CPN1: variants seen among roughly 807,000 people sequenced by gnomAD.
CPN1 encodes the protein carboxypeptidase N subunit 1.
CPN1 carries 37 observed loss-of-function variants against 46.4 expected under a neutral mutation model. That is an observed-to-expected ratio of 0.80 (90% CI 0.61 to 1.05). The LOEUF (loss-of-function observed/expected upper bound fraction) is 1.05, where lower values mean the gene tolerates loss of function less well. Among genes scored for constraint, CPN1 ranks in the 50% least tolerant of loss-of-function variants. CPN1 has a pLI of 0.00. For missense variants in CPN1, 563 were observed against 602.6 expected, an observed-to-expected ratio of 0.93 and a Z score of 0.69; for synonymous variants, 224 against 235.4, an observed-to-expected ratio of 0.95 and a Z score of 0.44.
At chr10:100,071,325 T>C (rs1464029057) in intron 2 of CPN1, among the ~76,000 whole-genome samples, 1 of 152,202 alleles carries the variant, frequency 6.6e-6, no homozygotes, top group African/African-American at 2.4e-5. Flanking sequence ...GAAGTTGTAA[T>C]CAAGTCAACT....
chr10:100,054,205 C>T, intron 7 of CPN1, 142 bp downstream of exon 7: 1 of 703,304 alleles, frequency 1.4e-6, no homozygotes, highest in Admixed American at 2.1e-5. Context: ...TTTTCATTGC[C>T]CTTCTTTCCT....
At chr10:100,062,766 CTT>C (rs34889268) in intron 5 of CPN1, among the ~76,000 whole-genome samples, 56 of 140,814 alleles carry the variant, frequency 4.0e-4, no homozygotes, top group Non-Finnish European at 4.8e-4. Flanking sequence ...CCTAATTTTT[CTT>C]TTTTTTTTTT....
rs34254553 is a variant in CPN1 at position 100,044,665 on chromosome 10, C to T, written c.1231-2092G>A. Among the ~76,000 whole-genome samples the T allele has an allele frequency of 2.1e-3, 318 of 151,650 alleles. 1 individual carries two copies. Among genetic ancestry groups the T allele is most frequent in the Non-Finnish European group, 2.4e-3 (164 of 67,932 alleles). On this transcript the variant is annotated intron_variant, in intron 8 of 8. Transcript: ENST00000370418. ...TGCTGAGATTACAGGTATGAGTCAC[C>T]GCACCCAGCTGAGACATTTTAAAGC... is the stretch of plus-strand genomic sequence containing the variant.
chr10:100,048,591 C>CG (rs1269053419), intron 8 of CPN1, among the ~76,000 whole-genome samples, 167 bp downstream of exon 8: 1 of 152,108 alleles, frequency 6.6e-6, no homozygotes, highest in African/African-American at 2.4e-5. Flanking sequence ...CCCAGCTACT[C>CG]GGGAGGCTTA....
chr10:100,081,786 T>A lies in CPN1; in HGVS notation c.-161A>T, dbSNP rs1044009378. 119 of 682,142 alleles carry A rather than the reference T, an allele frequency of 1.7e-4. No homozygotes were observed. Among genetic ancestry groups the A allele is most frequent in the Non-Finnish European group, 2.9e-4 (111 of 376,654 alleles). The allele number at this position is 682,142 out of a possible 1,614,324, so 42.3% of individuals were successfully genotyped here. On this transcript the variant is annotated 5_prime_UTR_variant, in exon 1 of 9. Coordinates refer to ENST00000370418, the MANE Select transcript of CPN1 (RefSeq NM_001308.3). The stretch of plus-strand genomic sequence containing the variant: ...CAGCTGTCCGTCCAAGGCTGGAAAT[T>A]CTTTATGTCGTTCTGGAATAGCCAC...
intron 1 of CPN1, among the ~76,000 whole-genome samples, 175 bp downstream of exon 1, chr10:100,081,228 G>T (rs1162517050): frequency 6.6e-6 from 1 of 152,222 alleles, no homozygotes; most frequent in East Asian, 1.9e-4. Flanking sequence ...GAGGGTTATA[G>T]CTCCCCAGAG....
At chr10:100,064,456 C>T (rs2041440539) in intron 4 of CPN1, among the ~76,000 whole-genome samples, 1 of 151,186 alleles carries the variant, frequency 6.6e-6, no homozygotes, top group Non-Finnish European at 1.5e-5. Context: ...TCTTGGCTCA[C>T]TGCAACCTCC....
intron 5 of CPN1, among the ~76,000 whole-genome samples, chr10:100,063,385 T>C (rs1411295973): frequency 2.0e-5 from 3 of 152,214 alleles, no homozygotes; most frequent in Admixed American, 6.5e-5. Flanking sequence ...CCTCCCAAAG[T>C]GCTGGGATAA....
intron 2 of CPN1, among the ~76,000 whole-genome samples, chr10:100,071,029 T>C (rs1446569364): frequency 1.3e-5 from 2 of 152,218 alleles, no homozygotes; most frequent in Admixed American, 6.5e-5. Flanking sequence ...AAGTGGGTCA[T>C]ACATTATCTG....
At chr10:100,076,215 G>T in intron 1 of CPN1, 108 bp from the exon 2 acceptor site, 2 of 1,051,408 alleles carry the variant, frequency 1.9e-6, no homozygotes, top group Non-Finnish European at 2.9e-6. Context: ...AAAATCTCAT[G>T]CTTTCATTGG....
intron 5 of CPN1, among the ~76,000 whole-genome samples, chr10:100,059,401 T>TAACAAC (rs71013407): frequency 0.42 from 63,496 of 150,930 alleles, 13,631 homozygotes; most frequent in African/African-American, 0.51. Flanking sequence ...AACATAACAA[T>TAACAAC]AACAACAACA....
intron 3 of CPN1, among the ~76,000 whole-genome samples, chr10:100,068,885 C>G (rs945273453): frequency 6.6e-6 from 1 of 152,148 alleles, no homozygotes; most frequent in Non-Finnish European, 1.5e-5. Flanking sequence ...CAGCTTATCA[C>G]GAGTAAGACA....
intron 3 of CPN1, 102 bp downstream of exon 3, chr10:100,069,612 A>C: frequency 7.3e-7 from 1 of 1,369,248 alleles, no homozygotes; most frequent in Non-Finnish European, 1.0e-6. Flanking sequence ...GTTGATGCTT[A>C]ATTCTTGCTT....
chr10:100,073,706 C>T (rs1175438267), intron 2 of CPN1, among the ~76,000 whole-genome samples: 1 of 150,958 alleles, frequency 6.6e-6, no homozygotes, highest in Non-Finnish European at 1.5e-5. Context: ...ACCTTCATCT[C>T]CCAGGTTCAA....
chr10:100,068,400 A>G (rs1442225971), intron 3 of CPN1, among the ~76,000 whole-genome samples: 1 of 151,868 alleles, frequency 6.6e-6, no homozygotes, highest in Non-Finnish European at 1.5e-5. Context: ...TTTTTAGTAG[A>G]GATGGGGTTT....
At chr10:100,054,483 T>G (rs1302279543) in intron 6 of CPN1, 37 bp from the exon 7 acceptor site, 3 of 1,490,208 alleles carry the variant, frequency 2.0e-6, no homozygotes, top group South Asian at 2.3e-5. Flanking sequence ...TCATAAAACA[T>G]TTGTACCATT....
At chr10:100,073,502 A>G (rs368316328) in intron 2 of CPN1, among the ~76,000 whole-genome samples, 3 of 150,552 alleles carry the variant, frequency 2.0e-5, no homozygotes, top group Non-Finnish European at 1.5e-5. Context: ...GCACGAGTGT[A>G]TTGTCTCATA....
intron 1 of CPN1, among the ~76,000 whole-genome samples, chr10:100,079,021 C>T (rs2041530062): frequency 6.6e-6 from 1 of 152,248 alleles, no homozygotes; most frequent in Non-Finnish European, 1.5e-5. Flanking sequence ...TCTTTTCCTC[C>T]TCAATATCAG....
At chr10:100,050,786 G>A (rs886833245) in intron 7 of CPN1, among the ~76,000 whole-genome samples, 1 of 152,074 alleles carries the variant, frequency 6.6e-6, no homozygotes, top group Non-Finnish European at 1.5e-5. Context: ...CACTGTGACT[G>A]GTAAATTTTA....
Sources: allele counts gnomAD v4.1 joint callset (sites outside exome capture counted in the v4.1 genomes callset), GRCh38; gene constraint gnomAD v4.1.1; transcripts MANE v1.5; gene names NCBI Gene and HGNC (gene_info 2026-07-23, HGNC 2026-07-21).